Variants in CDH13 observed in about 807,000 individuals in gnomAD.
CDH13 encodes the protein cadherin-13.
CDH13 carries 24 observed loss-of-function variants against 63.8 expected under a neutral mutation model. That is an observed-to-expected ratio of 0.38 (90% CI 0.27 to 0.53). CDH13 has a LOEUF of 0.53. Among genes scored for constraint, CDH13 ranks in the 20% least tolerant of loss-of-function variants. The pLI is 0.85. For missense variants in CDH13, 1,049 were observed against 903.1 expected, an observed-to-expected ratio of 1.16 and a Z score of -2.07; for synonymous variants, 503 against 355.3, an observed-to-expected ratio of 1.42 and a Z score of -4.67.
chr16:83,060,439 T>C (rs59367432), intron 3 of CDH13, among the ~76,000 whole-genome samples: 3,470 of 152,300 alleles, frequency 0.023, 119 homozygotes, highest in African/African-American at 0.075. Context: ...GGAAGAGAAC[T>C]GTAGAGTCTT....
intron 1 of CDH13, among the ~76,000 whole-genome samples, chr16:82,691,043 C>T (rs954849011): frequency 6.6e-6 from 1 of 152,186 alleles, no homozygotes; most frequent in African/African-American, 2.4e-5. Context: ...CAGAGAAACA[C>T]CTAGATTTTG....
At chr16:83,038,550 C>G (rs1917064587) in intron 3 of CDH13, among the ~76,000 whole-genome samples, 1 of 152,170 alleles carries the variant, frequency 6.6e-6, no homozygotes, top group Admixed American at 6.5e-5. Context: ...CTTGACACAC[C>G]AAGTTATGTC....
chr16:82,770,754 C>G (rs1567516433), intron 1 of CDH13, among the ~76,000 whole-genome samples: 1 of 152,174 alleles, frequency 6.6e-6, no homozygotes, highest in Non-Finnish European at 1.5e-5. Context: ...GTTGCCCAAG[C>G]TGGAGTGCAG....
chr16:82,898,936 C>G (rs972315616), intron 2 of CDH13, among the ~76,000 whole-genome samples: 1 of 152,238 alleles, frequency 6.6e-6, no homozygotes, highest in Admixed American at 6.5e-5. Context: ...TAGATATGGG[C>G]TTCCCTGGAA....
At chr16:83,165,482 A>T (rs1421487302) in intron 4 of CDH13, among the ~76,000 whole-genome samples, 1 of 152,064 alleles carries the variant, frequency 6.6e-6, no homozygotes, top group African/African-American at 2.4e-5. Flanking sequence ...TCAGCATTTG[A>T]GGGAGGGGAC....
In CDH13 at chr16:83,081,687, AAGAG is replaced by A. The variant is rs879394499; in HGVS notation, c.367-43682_367-43679del. 5.8e-3 allele frequency among the ~76,000 whole-genome samples: 871 copies of A among 149,974 alleles called. 3 individuals are homozygous for A. The highest frequency in any genetic ancestry group is 0.02 in the African/African-American group (830 of 40,958). On this transcript the variant is annotated intron_variant, in intron 3 of 13. Coordinates refer to ENST00000567109, the MANE Select transcript of CDH13 (RefSeq NM_001257.5). ...CTTTTCATTGTAAACTCACACAGTAAAGAGAGAGAGAGAGAGAGAAAGAGAGAGA... is the reference window on the plus strand; with the variant it reads ...CTTTTCATTGTAAACTCACACAGTAAAGAGAGAGAGAGAGAAAGAGAGAGA...
intron 7 of CDH13, among the ~76,000 whole-genome samples, chr16:83,569,483 T>G (rs1351977695): frequency 6.6e-6 from 1 of 152,240 alleles, no homozygotes; most frequent in Non-Finnish European, 1.5e-5. Context: ...CTGGAAACTA[T>G]GCTTGAAATA....
chr16:83,146,466 C>G (rs1335686045), intron 4 of CDH13, among the ~76,000 whole-genome samples: 1 of 152,232 alleles, frequency 6.6e-6, no homozygotes, highest in Non-Finnish European at 1.5e-5. Flanking sequence ...CTTATGGTTA[C>G]AAGCTGCCTG....
chr16:82,885,751 T>C (rs191199130), intron 2 of CDH13, among the ~76,000 whole-genome samples: 17 of 152,328 alleles, frequency 1.1e-4, no homozygotes, highest in Admixed American at 1.0e-3. Flanking sequence ...TCTGTCTGTA[T>C]GTATCATGCA....
intron 3 of CDH13, among the ~76,000 whole-genome samples, chr16:83,083,285 T>C (rs2033378332): frequency 6.6e-6 from 1 of 152,152 alleles, no homozygotes; most frequent in Non-Finnish European, 1.5e-5. Flanking sequence ...TGTGTCCACC[T>C]GTTTCAGTAA....
chr16:83,078,917 C>T (rs1372194043), intron 3 of CDH13, among the ~76,000 whole-genome samples: 1 of 152,178 alleles, frequency 6.6e-6, no homozygotes, highest in Non-Finnish European at 1.5e-5. Flanking sequence ...GCCTCAGCCT[C>T]CCAAGTAGCT....
chr16:83,664,174 A>G (rs1011160159), intron 8 of CDH13, among the ~76,000 whole-genome samples: 1 of 152,084 alleles, frequency 6.6e-6, no homozygotes. Context: ...AAGGAGAAGA[A>G]AAAGATGCTC....
chr16:83,470,575 T>A (rs2073428186), intron 6 of CDH13, among the ~76,000 whole-genome samples: 1 of 152,196 alleles, frequency 6.6e-6, no homozygotes, highest in Admixed American at 6.5e-5. Flanking sequence ...TGCCTCAAAG[T>A]TGCCACCTCT....
At chr16:83,626,405 G>A (rs995352424) in intron 8 of CDH13, among the ~76,000 whole-genome samples, 1 of 152,272 alleles carries the variant, frequency 6.6e-6, no homozygotes, top group South Asian at 2.1e-4. Flanking sequence ...AAGTGCTTAG[G>A]ATGTAGTTGG....
rs1008364444 is a variant in CDH13 at position 83,486,783 on chromosome 16, G to A, written c.960+128G>A. On this transcript the variant is annotated intron_variant, in intron 7 of 13. Transcript: ENST00000567109. ...AAGGCAGAAATGAGGTGTTTACCAT[G>A]TTTTGGTGGGGAAAATCTATAAAGG... The A allele has an allele frequency of 2.1e-5, 17 of 795,290 alleles. No homozygotes were observed. In the Middle Eastern group the frequency reaches 9.4e-4, roughly 44 times the overall value. The allele number at this position is 795,290 out of a possible 1,614,324, so 49.3% of individuals were successfully genotyped here.
In CDH13 at chr16:83,148,645, G is replaced by A. The variant is rs577093194; in HGVS notation, c.483+23144G>A. On this transcript the variant is annotated intron_variant, in intron 4 of 13. Coordinates refer to ENST00000567109, the MANE Select transcript of CDH13 (RefSeq NM_001257.5). Reference sequence around the variant, plus strand: ...GTATTCCAGTACATGGTAAACTCTCGCACCATATTAACTATTGCAGTATGG... The same window carrying A: ...GTATTCCAGTACATGGTAAACTCTCACACCATATTAACTATTGCAGTATGG... Among the ~76,000 whole-genome samples, 15 of 152,228 alleles carry A rather than the reference G, an allele frequency of 9.9e-5. No individual in the cohort carries two copies. The East Asian group carries it at 1.5e-3, about 16-fold the overall frequency.
chr16:82,957,700 T>A (rs1207182541), intron 2 of CDH13, among the ~76,000 whole-genome samples: 1 of 152,348 alleles, frequency 6.6e-6, no homozygotes, highest in Middle Eastern at 3.4e-3. Context: ...ACAAATTCCC[T>A]AAGTTTTCTG....
chr16:83,547,395 A>T (rs1441422898), intron 7 of CDH13, among the ~76,000 whole-genome samples: 2 of 152,158 alleles, frequency 1.3e-5, no homozygotes, highest in Admixed American at 1.3e-4. Context: ...TGTACAGATT[A>T]TTTTGTCACC....
intron 2 of CDH13, among the ~76,000 whole-genome samples, chr16:82,938,532 G>A (rs1275919371): frequency 3.3e-5 from 5 of 152,198 alleles, no homozygotes; most frequent in Non-Finnish European, 1.5e-5. Context: ...GCACTGCCCA[G>A]CATCAGCAGG....
Sources: allele counts gnomAD v4.1 joint callset (sites outside exome capture counted in the v4.1 genomes callset), GRCh38; gene constraint gnomAD v4.1.1; transcripts MANE v1.5; gene names NCBI Gene and HGNC (gene_info 2026-07-23, HGNC 2026-07-21).